Variants in GRIN2B observed in about 807,000 individuals in gnomAD.
GRIN2B encodes the protein glutamate receptor ionotropic, NMDA 2B.
GRIN2B carries 5 observed loss-of-function variants against 114.5 expected under a neutral mutation model. The ratio of observed to expected loss-of-function variants is 0.04; its 90% confidence interval spans 0.02 to 0.09. The LOEUF is 0.09. GRIN2B is among the 10% of genes least tolerant of loss of function. The pLI is 1.00. For missense variants in GRIN2B, 1,108 were observed against 1,943.5 expected, an observed-to-expected ratio of 0.57 and a Z score of 8.08; for synonymous variants, 787 against 745.1, an observed-to-expected ratio of 1.06 and a Z score of -0.92.
intron 3 of GRIN2B, among the ~76,000 whole-genome samples, chr12:13,788,671 G>C (rs998767560): frequency 9.5e-6 from 1 of 105,536 alleles, no homozygotes; most frequent in African/African-American, 3.6e-5. Flanking sequence ...TTTCCTTTTC[G>C]AGGAACCCTT....
At chr12:13,800,422 A>T (rs1864487895) in intron 3 of GRIN2B, among the ~76,000 whole-genome samples, 1 of 152,206 alleles carries the variant, frequency 6.6e-6, no homozygotes, top group South Asian at 2.1e-4. Flanking sequence ...TTTAACTGAC[A>T]TTATCCAAAC....
At chr12:13,590,283 A>T (rs935071394) in intron 10 of GRIN2B, among the ~76,000 whole-genome samples, 4 of 151,868 alleles carry the variant, frequency 2.6e-5, no homozygotes, top group Non-Finnish European at 5.9e-5. Context: ...CAGGTTTGTT[A>T]CATAGGTATA....
At chr12:13,639,551 A>G (rs1293328063) in intron 5 of GRIN2B, among the ~76,000 whole-genome samples, 2 of 152,070 alleles carry the variant, frequency 1.3e-5, no homozygotes, top group East Asian at 1.9e-4. Context: ...TTGATTTCCA[A>G]TAGACATTCA....
chr12:13,551,869 A>AAAAG lies in GRIN2B; in HGVS notation c.*10910_*10913dup, dbSNP rs1425866629. 11 of 152,194 alleles carry AAAAG rather than the reference A, an allele frequency of 7.2e-5. No individual in the cohort carries two copies. Among genetic ancestry groups the AAAAG allele is most frequent in the Admixed American group, 7.2e-4 (11 of 15,284 alleles). 9.4% of individuals were successfully genotyped at this position (152,194 alleles called of 1,614,324 possible). Reference sequence around the variant, plus strand: ...GAGCATTAAAATAGCCATGGATTTCAAAAGAAAATCAATTACAATTAAAAT... The same window carrying AAAAG: ...GAGCATTAAAATAGCCATGGATTTCAAAAGAAAGAAAATCAATTACAATTAAAAT... On this transcript the variant is annotated 3_prime_UTR_variant, in exon 14 of 14. Coordinates refer to ENST00000609686, the MANE Select transcript of GRIN2B (RefSeq NM_000834.5).
intron 3 of GRIN2B, among the ~76,000 whole-genome samples, chr12:13,793,787 T>C (rs1864359738): frequency 6.6e-6 from 1 of 152,164 alleles, no homozygotes. Context: ...ACACTCTGTC[T>C]TAGCCTCTGA....
At chr12:13,726,992 C>A (rs1863001629) in intron 4 of GRIN2B, among the ~76,000 whole-genome samples, 1 of 152,028 alleles carries the variant, frequency 6.6e-6, no homozygotes, top group African/African-American at 2.4e-5. Flanking sequence ...GTTATTATCT[C>A]CATTTTTTCA....
At chr12:13,842,377 G>C (rs1461769464) in intron 3 of GRIN2B, among the ~76,000 whole-genome samples, 1 of 152,114 alleles carries the variant, frequency 6.6e-6, no homozygotes, top group African/African-American at 2.4e-5. Flanking sequence ...AAATGTCCAA[G>C]GTATACCACA....
At chr12:13,837,063 G>A (rs1368169677) in intron 3 of GRIN2B, among the ~76,000 whole-genome samples, 1 of 152,258 alleles carries the variant, frequency 6.6e-6, no homozygotes, top group Non-Finnish European at 1.5e-5. Context: ...ACACAAAACT[G>A]AAATTTCCAC....
At chr12:13,953,350 C>T (rs924934467) in intron 2 of GRIN2B, among the ~76,000 whole-genome samples, 2 of 152,138 alleles carry the variant, frequency 1.3e-5, no homozygotes, top group Non-Finnish European at 1.5e-5. Context: ...CCCTCCACAC[C>T]ATGATGTGCA....
intron 5 of GRIN2B, among the ~76,000 whole-genome samples, chr12:13,651,503 ATGG>A (rs768162357): frequency 9.2e-5 from 14 of 152,144 alleles, no homozygotes; most frequent in Non-Finnish European, 1.8e-4. Flanking sequence ...TCAGCATAAA[ATGG>A]TGGCTCAATG....
chr12:13,706,195 T>C (rs1045780731), intron 4 of GRIN2B, among the ~76,000 whole-genome samples: 5 of 152,046 alleles, frequency 3.3e-5, no homozygotes, highest in African/African-American at 7.3e-5. Flanking sequence ...ACAGTGCTTA[T>C]TGGTATCTCA....
intron 2 of GRIN2B, among the ~76,000 whole-genome samples, chr12:13,889,893 C>T (rs1866228874): frequency 6.6e-6 from 1 of 152,194 alleles, no homozygotes; most frequent in African/African-American, 2.4e-5. Context: ...ACAATCCTCC[C>T]CTTCAGTGAC....
intron 3 of GRIN2B, among the ~76,000 whole-genome samples, chr12:13,761,543 T>C (rs1863680375): frequency 1.3e-5 from 2 of 152,216 alleles, no homozygotes; most frequent in Non-Finnish European, 2.9e-5. Context: ...TCCTGGAGGA[T>C]AGTAAGAGCA....
At chr12:13,971,675 C>T (rs1032494749) in intron 2 of GRIN2B, among the ~76,000 whole-genome samples, 9 of 152,104 alleles carry the variant, frequency 5.9e-5, no homozygotes, top group African/African-American at 1.9e-4. Flanking sequence ...TACAAAGGAC[C>T]GAAATGAGGT....
rs1313279720 is a variant in GRIN2B at position 13,558,844 on chromosome 12, C to T, written c.*3939G>A. 6.6e-6 allele frequency: 1 copy of T among 152,164 alleles called. No homozygotes were observed. The highest frequency in any genetic ancestry group is 1.5e-5 in the Non-Finnish European group (1 of 68,042). 9.4% of individuals were successfully genotyped at this position (152,164 alleles called of 1,614,324 possible). A position where few individuals can be genotyped will look rare whatever the true frequency, so the allele number is the denominator to read the frequency against. On this transcript the variant is annotated 3_prime_UTR_variant, in exon 14 of 14. Transcript: ENST00000609686. Reference sequence around the variant, plus strand: ...TCACTTTGAAGGGTGTGCAAAGTCTCGACTCAGGCAAATTCAAGGGTCAGA... The same window carrying T: ...TCACTTTGAAGGGTGTGCAAAGTCTTGACTCAGGCAAATTCAAGGGTCAGA...
chr12:13,722,985 T>C (rs992987152), intron 4 of GRIN2B, among the ~76,000 whole-genome samples: 1 of 152,100 alleles, frequency 6.6e-6, no homozygotes, highest in African/African-American at 2.4e-5. Context: ...CTGTAGCTAC[T>C]GTCCAGCTAT....
At chr12:13,681,997 G>C (rs1950135381) in intron 4 of GRIN2B, among the ~76,000 whole-genome samples, 1 of 152,136 alleles carries the variant, frequency 6.6e-6, no homozygotes, top group South Asian at 2.1e-4. Context: ...ATTAGAAATA[G>C]TGGACTTAAA....
chr12:13,703,833 G>A (rs889991722), intron 4 of GRIN2B, among the ~76,000 whole-genome samples: 2 of 152,074 alleles, frequency 1.3e-5, no homozygotes, highest in African/African-American at 2.4e-5. Flanking sequence ...CTTCCCACTT[G>A]GGAAACATAA....
chr12:13,932,876 T>C (rs1466890912), intron 2 of GRIN2B, among the ~76,000 whole-genome samples: 1 of 152,190 alleles, frequency 6.6e-6, no homozygotes, highest in Non-Finnish European at 1.5e-5. Flanking sequence ...AAAGACTTCA[T>C]CTAAAACTAT....
Sources: allele counts gnomAD v4.1 joint callset (sites outside exome capture counted in the v4.1 genomes callset), GRCh38; gene constraint gnomAD v4.1.1; transcripts MANE v1.5; gene names NCBI Gene and HGNC (gene_info 2026-07-23, HGNC 2026-07-21).